The following BIN1 variants were observed in gnomAD, a reference collection of about 807,000 sequenced individuals.
BIN1 encodes bridging integrator 1.
A neutral mutation model predicts 82.0 loss-of-function variants in BIN1; 53 were observed. That is an observed-to-expected ratio of 0.65 (90% CI 0.52 to 0.81). The LOEUF (loss-of-function observed/expected upper bound fraction) is 0.81. Ranked by LOEUF, BIN1 falls within the 40% of genes least tolerant of loss-of-function variation. The pLI is 0.00. For missense variants in BIN1, 642 were observed against 784.4 expected (o/e 0.82, Z 2.17); for synonymous variants, 302 against 328.0 (o/e 0.92, Z 0.86).
At chr2:127,097,854 G>A (rs1679799125) in intron 1 of BIN1, among the ~76,000 whole-genome samples, 1 of 152,208 alleles carries the variant, frequency 6.6e-6, no homozygotes, top group South Asian at 2.1e-4. Context: ...GGCCCTGAAT[G>A]GGCCCTGACA....
chr2:127,064,034 G>A lies in BIN1; in HGVS notation c.613-16C>T, dbSNP rs1328353765. Reference sequence around the variant, plus strand: ...CCTCCTCGGCCTGGGGGGCAGCACGGGTCATTCCCCTCTGTTGGGCGTCCC... The same window carrying A: ...CCTCCTCGGCCTGGGGGGCAGCACGAGTCATTCCCCTCTGTTGGGCGTCCC... On this transcript the variant is annotated splice_polypyrimidine_tract_variant and intron_variant, in intron 7 of 18. Coordinates refer to ENST00000316724, the MANE Select transcript of BIN1 (RefSeq NM_139343.3). 3 of 1,613,596 alleles carry A rather than the reference G, an allele frequency of 1.9e-6. No individual in the cohort carries two copies. Among genetic ancestry groups the A allele is most frequent in the Middle Eastern group, 1.6e-4 (1 of 6,084 alleles).
chr2:127,068,276 C>A lies in BIN1; in HGVS notation c.520-21G>T. ...ACAGGCTGGGGTGGGGAGGTCAAGG[C>A]AAAGGAAGGTGGAGAGACCAGGGAG... On this transcript the variant is annotated intron_variant, in intron 6 of 18. Transcript: ENST00000316724. The surrounding 1 kb of genome is among the most constrained non-coding windows in gnomAD (Gnocchi z 4.9). 1 of 1,600,050 alleles carries A rather than the reference C, an allele frequency of 6.2e-7. No individual in the cohort carries two copies. The highest frequency in any genetic ancestry group is 1.7e-5 in the Admixed American group (1 of 59,626).
At chr2:127,054,261 G>C (rs770375877) in intron 12 of BIN1, 4 of 542,964 alleles carry the variant, frequency 7.4e-6, no homozygotes, top group African/African-American at 3.8e-5. Context: ...CACACCAGGA[G>C]GACGACCCCA....
At chr2:127,073,422 C>T (rs1472300378) in intron 2 of BIN1, among the ~76,000 whole-genome samples, 1 of 152,212 alleles carries the variant, frequency 6.6e-6, no homozygotes, top group East Asian at 1.9e-4. Context: ...GGAGCCACTG[C>T]CCACCTCAGC....
intron 2 of BIN1, among the ~76,000 whole-genome samples, chr2:127,072,125 C>T (rs575572242): frequency 2.0e-5 from 3 of 152,360 alleles, no homozygotes; most frequent in South Asian, 2.1e-4. Context: ...ATGCCTGCAG[C>T]GCTCCAGTCT....
chr2:127,074,154 A>G (rs1482914143), intron 2 of BIN1, among the ~76,000 whole-genome samples: 1 of 152,014 alleles, frequency 6.6e-6, no homozygotes, highest in Non-Finnish European at 1.5e-5. Flanking sequence ...GAGGCAAGAA[A>G]AAGCTCCACC....
chr2:127,064,147 A>C (rs1684860466), intron 7 of BIN1, 129 bp from the exon 8 acceptor site: 5 of 1,041,798 alleles, frequency 4.8e-6, no homozygotes, highest in Non-Finnish European at 7.3e-6. Flanking sequence ...GGCAAGACAG[A>C]GGCTGAACTG....
In BIN1 at chr2:127,069,030, G is replaced by T; in HGVS notation, c.413C>A (p.Ser138Ter). The T allele has an allele frequency of 6.2e-7, 1 of 1,613,802 alleles. No individual in the cohort carries two copies. The highest frequency in any genetic ancestry group is 8.5e-7 in the Non-Finnish European group (1 of 1,179,854). The change falls in exon 6 of 19, where the codon TCA (serine) becomes TAA (stop). Residue 138 changes from serine to a stop codon, truncating the protein, a stop_gained and splice_region_variant. Coordinates refer to ENST00000316724, the MANE Select transcript of BIN1 (RefSeq NM_139343.3). LOFTEE classifies it high-confidence loss of function. ...CTTGCGCCCCCGCTTGGCAATGCGT[G>T]ACTGGGGCAGACAGAGGAGGGCACT... ...TYLGQFPDIKSRIAKRGRKLV... is the reference protein window; with the variant it reads ...TYLGQFPDIK
rs1023180107 is a variant in BIN1 at position 127,067,861 on chromosome 2, G to A, written c.612+302C>T. On this transcript the variant is annotated intron_variant, in intron 7 of 18. Transcript: ENST00000316724. The surrounding 1 kb of genome is among the most constrained non-coding windows in gnomAD (Gnocchi z 4.7). ...CAGAGGAGCCCTCACAGAGGACAAT[G>A]GCTCAAAGGCATTCCTGGACCACTA... Among the ~76,000 whole-genome samples the A allele has an allele frequency of 6.6e-6, 1 of 152,230 alleles. No individual in the cohort carries two copies. Among genetic ancestry groups the A allele is most frequent in the Non-Finnish European group, 1.5e-5 (1 of 68,040 alleles).
intron 10 of BIN1, chr2:127,060,479 C>A: frequency 1.3e-6 from 2 of 1,490,108 alleles, no homozygotes; most frequent in East Asian, 2.3e-5. Flanking sequence ...CCGGGCAGCA[C>A]TGCACACAGA....
intron 18 of BIN1, among the ~76,000 whole-genome samples, chr2:127,049,466 C>T (rs900767737): frequency 6.6e-6 from 1 of 152,230 alleles, no homozygotes; most frequent in Non-Finnish European, 1.5e-5. Context: ...ACCCCTACAT[C>T]CCAGCCCAGG....
intron 1 of BIN1, among the ~76,000 whole-genome samples, chr2:127,097,299 C>G (rs1225948213): frequency 6.6e-6 from 1 of 152,112 alleles, no homozygotes; most frequent in African/African-American, 2.4e-5. Flanking sequence ...CGTCAGCCCT[C>G]CAGGCCCAGC....
chr2:127,061,617 T>G (rs182943753), intron 10 of BIN1, among the ~76,000 whole-genome samples: 143 of 152,328 alleles, frequency 9.4e-4, no homozygotes, highest in African/African-American at 3.3e-3. Context: ...TCCTTGCAGC[T>G]GGGATTCCCG....
intron 1 of BIN1, among the ~76,000 whole-genome samples, chr2:127,096,212 C>T (rs1422631147): frequency 6.6e-6 from 1 of 152,162 alleles, no homozygotes; most frequent in Admixed American, 6.5e-5. Context: ...GAGCTGACTT[C>T]TGTCCTGGGA....
chr2:127,064,118 C>T (rs536677450), intron 7 of BIN1, 100 bp from the exon 8 acceptor site: 48 of 1,399,848 alleles, frequency 3.4e-5, no homozygotes, highest in East Asian at 1.2e-4. Flanking sequence ...TTGGCCAGTG[C>T]GCTGGGACCA....
In BIN1 at chr2:127,048,510, T is replaced by C; in HGVS notation, c.*16A>G. The stretch of plus-strand genomic sequence containing the variant: ...AGGTGTTCTTCACACGCCCGGAGGC[T>C]GCCTGGGCCCCGCCGTCATGGGACC... On this transcript the variant is annotated 3_prime_UTR_variant, in exon 19 of 19. Coordinates refer to ENST00000316724, the MANE Select transcript of BIN1 (RefSeq NM_139343.3). 6.2e-7 allele frequency: 1 copy of C among 1,612,444 alleles called. No homozygotes were observed. The highest frequency in any genetic ancestry group is 8.5e-7 in the Non-Finnish European group (1 of 1,178,800).
Position 127,059,032 on chromosome 2 carries a change from GGTGGCCCCGGGC to G in BIN1, c.969_980del (p.Pro324_Thr327del), listed in dbSNP as rs754515412. ...CTACCTGAGATGGGGACTTGGGGAGGGTGGCCCCGGGCGTGGCCCCGCCGGCCGGCTCTGGCT... is the reference window on the plus strand; with the variant it reads ...CTACCTGAGATGGGGACTTGGGGAGGGTGGCCCCGCCGGCCGGCTCTGGCT... On this transcript the variant is annotated inframe_deletion, in exon 11 of 19. Transcript: ENST00000316724. The surrounding 1 kb of genome is among the most constrained non-coding windows in gnomAD (Gnocchi z 6.7). 5 of 1,561,452 alleles carry G rather than the reference GGTGGCCCCGGGC, an allele frequency of 3.2e-6. No homozygotes were observed. Among genetic ancestry groups the G allele is most frequent in the Admixed American group, 3.9e-5 (2 of 51,870 alleles).
In BIN1 at chr2:127,086,709, T is replaced by G. The variant is rs186461263; in HGVS notation, c.85-10003A>C. The stretch of plus-strand genomic sequence containing the variant: ...TTTTAGTAGAGATGGGGTTTCACCA[T>G]GCTGGCCAGGCTGGTTTCGAACCCC... On this transcript the variant is annotated intron_variant, in intron 1 of 18. Coordinates refer to ENST00000316724, the MANE Select transcript of BIN1 (RefSeq NM_139343.3). Among the ~76,000 whole-genome samples the G allele has an allele frequency of 7.1e-3, 1,079 of 152,180 alleles. 8 individuals carry two copies. The highest frequency in any genetic ancestry group is 0.025 in the African/African-American group (1,045 of 41,528).
Position 127,053,535 on chromosome 2 carries a change from G to A in BIN1, c.1240-90C>T, listed in dbSNP as rs766271775. The A allele has an allele frequency of 1.5e-5, 23 of 1,523,390 alleles. No homozygotes were observed. In the East Asian group the frequency reaches 1.7e-4, roughly 11 times the overall value. 94.4% of individuals were successfully genotyped at this position (1,523,390 alleles called of 1,614,324 possible). On this transcript the variant is annotated intron_variant, in intron 13 of 18. Transcript: ENST00000316724. ...GTCCCCAGGGACCCTACCCCCGCTC[G>A]CCCCAGGCCATCCAGCCCAGCAGGC... is the stretch of plus-strand genomic sequence containing the variant.
Sources: gnomAD v4.1 joint callset for allele counts (sites outside exome capture counted in the v4.1 genomes callset) on GRCh38, gnomAD v4.1.1 for gene constraint, Gnocchi (gnomAD v3.1) non-coding constraint, MANE v1.5 for transcripts, NCBI Gene and HGNC (gene_info 2026-07-23, HGNC 2026-07-21) for gene names.